Variants in SCAPER observed in about 807,000 individuals in gnomAD.
SCAPER encodes the protein S-phase cyclin A associated protein in the ER, also known as S phase cyclin A-associated protein in the endoplasmic reticulum.
Under a neutral mutation model 182.2 loss-of-function variants are expected in SCAPER, and 98 were observed. The ratio of observed to expected loss-of-function variants is 0.54; its 90% confidence interval spans 0.46 to 0.64. SCAPER has a LOEUF of 0.64. Ranked by LOEUF, SCAPER falls within the 30% of genes least tolerant of loss-of-function variation. The pLI is 0.00. For synonymous variants in SCAPER, 605 were observed against 564.6 expected (o/e 1.07, Z -1.01); for missense variants, 1,432 against 1,690.0 (o/e 0.85, Z 2.68).
At chr15:76,588,291 T>A (rs1356104238) in intron 22 of SCAPER, among the ~76,000 whole-genome samples, 1 of 152,174 alleles carries the variant, frequency 6.6e-6, no homozygotes, top group Non-Finnish European at 1.5e-5. Flanking sequence ...TAGGTGCATA[T>A]ATGTTTAGGA....
chr15:76,541,203 AAAAAT>A (rs1218200170), intron 23 of SCAPER, among the ~76,000 whole-genome samples: 11 of 51,390 alleles, frequency 2.1e-4, no homozygotes, highest in Non-Finnish European at 4.5e-4. Context: ...GTATTAATAG[AAAAAT>A]AAAATGTTTT....
intron 29 of SCAPER, among the ~76,000 whole-genome samples, chr15:76,372,529 G>A (rs917810527): frequency 6.6e-6 from 1 of 152,180 alleles, no homozygotes; most frequent in Non-Finnish European, 1.5e-5. Context: ...AGCATCAGCA[G>A]AAAAACCGTC....
chr15:76,875,043 T>C (rs1595870553), intron 2 of SCAPER, among the ~76,000 whole-genome samples: 1 of 150,790 alleles, frequency 6.6e-6, no homozygotes, highest in Admixed American at 6.6e-5. Context: ...GACAAGTCCG[T>C]TGAAAAACAT....
chr15:76,687,994 T>C (rs1054784416), intron 20 of SCAPER, among the ~76,000 whole-genome samples: 1 of 152,202 alleles, frequency 6.6e-6, no homozygotes, highest in Admixed American at 6.5e-5. Context: ...TTCCTAGTTC[T>C]AGACCCTTGA....
chr15:76,772,959 T>C (rs17366342), intron 9 of SCAPER, among the ~76,000 whole-genome samples: 4,553 of 152,010 alleles, frequency 0.03, 90 homozygotes, highest in Non-Finnish European at 0.047. Context: ...CTAAGTCTCA[T>C]AAACTACTTT....
intron 5 of SCAPER, among the ~76,000 whole-genome samples, chr15:76,830,596 ACGT>A (rs2068381772): frequency 6.6e-6 from 1 of 151,996 alleles, no homozygotes; most frequent in South Asian, 2.1e-4. Context: ...GGAACAAAGG[ACGT>A]CTCCCAGGTC....
chr15:76,786,185 G>A (rs1412066271), intron 8 of SCAPER, among the ~76,000 whole-genome samples: 1 of 151,908 alleles, frequency 6.6e-6, no homozygotes, highest in Non-Finnish European at 1.5e-5. Flanking sequence ...AAATTAGCTG[G>A]GCGTGGTGGT....
chr15:76,896,498 C>T (rs1002914972), intron 1 of SCAPER, among the ~76,000 whole-genome samples: 1 of 152,106 alleles, frequency 6.6e-6, no homozygotes, highest in Non-Finnish European at 1.5e-5. Flanking sequence ...AGAAAGACAT[C>T]CCATGTTCAT....
rs1379611877 is a variant in SCAPER, at chr15:76,857,825, T to C, written c.179A>G (p.His60Arg). ...GKSKRTIQGTHKTTKQSTAVD... is the reference protein window; with the variant it reads ...GKSKRTIQGTRKTTKQSTAVD... ...ATGCTGTACCTGTTTAGTAGTTTTA[T>C]GAGTGCCTTGAATGGTCCTCTTAGA... Residue 60 changes from histidine (H) to arginine (R), a missense_variant, in exon 4 of 32, where the codon CAT becomes CGT. By Grantham distance (29) the His-to-Arg change is conservative. This residue lies in a region of SCAPER where 480 missense variants were observed against 510.2 expected (regional missense o/e 0.94). Coordinates refer to ENST00000563290, the MANE Select transcript of SCAPER (RefSeq NM_020843.4). The C allele has an allele frequency of 6.5e-7, 1 of 1,544,156 alleles. No individual in the cohort carries two copies. The highest frequency in any genetic ancestry group is 8.7e-7 in the Non-Finnish European group (1 of 1,143,316).
intron 22 of SCAPER, among the ~76,000 whole-genome samples, chr15:76,584,897 A>T (rs1164324423): frequency 6.6e-6 from 1 of 152,198 alleles, no homozygotes; most frequent in Non-Finnish European, 1.5e-5. Flanking sequence ...CTATATTCCC[A>T]GAATACAATT....
At chr15:76,662,939 A>G (rs763700647) in intron 21 of SCAPER, among the ~76,000 whole-genome samples, 12 of 152,132 alleles carry the variant, frequency 7.9e-5, no homozygotes, top group African/African-American at 2.7e-4. Flanking sequence ...CACTAGACAT[A>G]AAAGAAAAAT....
intron 22 of SCAPER, among the ~76,000 whole-genome samples, chr15:76,574,690 CT>C (rs1210415278): frequency 2.0e-5 from 3 of 152,172 alleles, no homozygotes; most frequent in African/African-American, 7.2e-5. Context: ...GCTTTATAAA[CT>C]CTCAGAATGT....
intron 25 of SCAPER, among the ~76,000 whole-genome samples, chr15:76,464,718 A>C (rs923940483): frequency 6.6e-6 from 1 of 152,198 alleles, no homozygotes; most frequent in Non-Finnish European, 1.5e-5. Flanking sequence ...ATGGCAGTGC[A>C]GATATCTATT....
At chr15:76,748,687 AG>A (rs2061937593) in intron 15 of SCAPER, among the ~76,000 whole-genome samples, 1 of 151,718 alleles carries the variant, frequency 6.6e-6, no homozygotes, top group Non-Finnish European at 1.5e-5. Flanking sequence ...ATGTGAGCAA[AG>A]GATTTTGAAC....
intron 22 of SCAPER, among the ~76,000 whole-genome samples, chr15:76,615,927 T>G (rs76571512): frequency 6.6e-6 from 1 of 151,712 alleles, no homozygotes; most frequent in East Asian, 1.9e-4. Context: ...TGAGATACTA[T>G]CTCAACTATA....
chr15:76,875,741 C>G (rs549797473), intron 2 of SCAPER, among the ~76,000 whole-genome samples: 4 of 152,334 alleles, frequency 2.6e-5, no homozygotes, highest in African/African-American at 9.6e-5. Flanking sequence ...TTTCTTCCTT[C>G]TGGTGGGTTC....
chr15:76,394,795 G>A (rs1373364096), intron 27 of SCAPER, among the ~76,000 whole-genome samples: 2 of 152,108 alleles, frequency 1.3e-5, no homozygotes, highest in South Asian at 2.1e-4. Context: ...ATCACATCAC[G>A]GAAAATGGGG....
intron 25 of SCAPER, among the ~76,000 whole-genome samples, chr15:76,469,813 A>G (rs545537871): frequency 1.3e-5 from 2 of 152,270 alleles, no homozygotes; most frequent in South Asian, 4.1e-4. Context: ...TGAAGCAAAT[A>G]TATTAAAATG....
At chr15:76,705,193 A>AT (rs2059183625) in intron 18 of SCAPER, among the ~76,000 whole-genome samples, 1 of 151,458 alleles carries the variant, frequency 6.6e-6, no homozygotes, top group African/African-American at 2.4e-5. Flanking sequence ...TGGCACATAT[A>AT]TACCATGGAA....
Sources: allele counts gnomAD v4.1 joint callset (sites outside exome capture counted in the v4.1 genomes callset), GRCh38; gene constraint gnomAD v4.1.1; regional missense constraint gnomAD v4.1.1; transcripts MANE v1.5; gene names NCBI Gene and HGNC (gene_info 2026-07-23, HGNC 2026-07-21).